The following GRID1 variants were observed in gnomAD, a reference collection of about 807,000 sequenced individuals.
GRID1 encodes the protein glutamate ionotropic receptor delta type subunit 1.
GRID1 carries 28 observed loss-of-function variants against 98.0 expected under a neutral mutation model. The observed-to-expected ratio is 0.29, with a 90% CI of 0.21 to 0.39. The LOEUF (loss-of-function observed/expected upper bound fraction) is 0.39, where lower values mean the gene tolerates loss of function less well. GRID1 is among the 10% of genes least tolerant of loss of function. The pLI is 1.00. For missense variants in GRID1, 1,111 were observed against 1,340.5 expected (o/e 0.83, Z 2.67); for synonymous variants, 553 against 538.5 (o/e 1.03, Z -0.37).
intron 8 of GRID1, among the ~76,000 whole-genome samples, chr10:85,778,497 C>A (rs1842352689): frequency 6.6e-6 from 1 of 152,116 alleles, no homozygotes; most frequent in Admixed American, 6.6e-5. Flanking sequence ...ATTATAGCGC[C>A]CCAGGATAGT....
At chr10:85,722,338 T>G (rs1371567957) in intron 12 of GRID1, among the ~76,000 whole-genome samples, 4 of 152,262 alleles carry the variant, frequency 2.6e-5, no homozygotes, top group South Asian at 2.1e-4. Context: ...TCCATGCCTA[T>G]GACCACTTCA....
At chr10:85,641,743 C>T (rs79076299) in intron 13 of GRID1, among the ~76,000 whole-genome samples, 11,779 of 152,214 alleles carry the variant, frequency 0.077, 583 homozygotes, top group Admixed American at 0.12. Context: ...AGAGATTGCT[C>T]AATAGATTTC....
intron 13 of GRID1, among the ~76,000 whole-genome samples, chr10:85,629,607 C>T (rs1842953142): frequency 6.6e-6 from 1 of 152,166 alleles, no homozygotes; most frequent in South Asian, 2.1e-4. Flanking sequence ...CATAAATATA[C>T]ATATATATCA....
At chr10:85,717,330 AAAG>A (rs1841651161) in intron 12 of GRID1, among the ~76,000 whole-genome samples, 1 of 152,170 alleles carries the variant, frequency 6.6e-6, no homozygotes, top group Non-Finnish European at 1.5e-5. Flanking sequence ...CAAAAAAAAA[AAAG>A]GTTTAATTGG....
intron 8 of GRID1, among the ~76,000 whole-genome samples, chr10:85,771,804 G>C (rs1842271613): frequency 6.6e-6 from 1 of 152,136 alleles, no homozygotes; most frequent in African/African-American, 2.4e-5. Context: ...CAATACAGGA[G>C]TACCCAGATT....
At chr10:85,736,328 A>C (rs1317950847) in intron 8 of GRID1, among the ~76,000 whole-genome samples, 1 of 152,070 alleles carries the variant, frequency 6.6e-6, no homozygotes, top group African/African-American at 2.4e-5. Context: ...AGAGGAAGGA[A>C]GGAAAAAAGG....
At chr10:85,746,013 T>C (rs549433281) in intron 8 of GRID1, among the ~76,000 whole-genome samples, 37 of 152,330 alleles carry the variant, frequency 2.4e-4, no homozygotes, top group Non-Finnish European at 3.8e-4. Flanking sequence ...TGACCAGTGA[T>C]CACTATGTGC....
chr10:85,688,893 G>A (rs528826272), intron 12 of GRID1, among the ~76,000 whole-genome samples: 185 of 152,276 alleles, frequency 1.2e-3, no homozygotes, highest in Non-Finnish European at 1.7e-3. Context: ...GAACCACAGA[G>A]AATGGGCTAA....
chr10:86,148,793 TA>T, intron 3 of GRID1, among the ~76,000 whole-genome samples: 1 of 152,206 alleles, frequency 6.6e-6, no homozygotes. Flanking sequence ...ATTCAGAGAT[TA>T]GGAAAAGGCA....
Position 86,192,588 on chromosome 10 carries a change from T to C in GRID1, c.520+13776A>G, listed in dbSNP as rs1400345746. 6.7e-6 allele frequency among the ~76,000 whole-genome samples: 1 copy of C among 150,034 alleles called. No individual in the cohort carries two copies. The highest frequency in any genetic ancestry group is 6.6e-5 in the Admixed American group (1 of 15,142). On this transcript the variant is annotated intron_variant, in intron 3 of 15. Coordinates refer to ENST00000327946, the MANE Select transcript of GRID1 (RefSeq NM_017551.3). This position sits in a 1 kb window ranked among gnomAD's most constrained non-coding sequence, Gnocchi z 4.8. ...AGTACAGAGTTTCGGTTTGGGAAGA[T>C]GAGAACCTTCTGGAGATGAACGGTA... is the stretch of plus-strand genomic sequence containing the variant.
intron 2 of GRID1, among the ~76,000 whole-genome samples, chr10:86,278,987 G>A (rs965106275): frequency 1.8e-4 from 28 of 152,176 alleles, no homozygotes; most frequent in Non-Finnish European, 3.1e-4. Context: ...CAAACCACAT[G>A]TGTAATGGAC....
chr10:86,261,950 C>T (rs1847022237), intron 2 of GRID1, among the ~76,000 whole-genome samples: 1 of 152,244 alleles, frequency 6.6e-6, no homozygotes. Flanking sequence ...TGCCAGACAT[C>T]AGCCCAGGAG....
At chr10:85,652,745 G>T (rs1044131257) in intron 12 of GRID1, among the ~76,000 whole-genome samples, 1 of 152,096 alleles carries the variant, frequency 6.6e-6, no homozygotes, top group East Asian at 1.9e-4. Flanking sequence ...CCTCTCCTGG[G>T]TTTCTTCCCC....
intron 4 of GRID1, among the ~76,000 whole-genome samples, chr10:86,057,554 C>T (rs1206961777): frequency 6.6e-6 from 1 of 152,232 alleles, no homozygotes; most frequent in Non-Finnish European, 1.5e-5. Context: ...CGGGTGTTCA[C>T]TGTAGCCTTC....
At chr10:86,152,947 A>C (rs1845190474) in intron 3 of GRID1, among the ~76,000 whole-genome samples, 1 of 152,018 alleles carries the variant, frequency 6.6e-6, no homozygotes, top group Non-Finnish European at 1.5e-5. Flanking sequence ...TCTGATATTT[A>C]CTCGGGTTTA....
intron 2 of GRID1, among the ~76,000 whole-genome samples, chr10:86,272,780 C>G (rs946921124): frequency 1.3e-5 from 2 of 152,090 alleles, no homozygotes; most frequent in Non-Finnish European, 2.9e-5. Context: ...TCAAAAGTAC[C>G]TATTTATACT....
At chr10:86,318,414 G>A (rs1033911396) in intron 2 of GRID1, among the ~76,000 whole-genome samples, 1 of 152,220 alleles carries the variant, frequency 6.6e-6, no homozygotes, top group Non-Finnish European at 1.5e-5. Flanking sequence ...TGCTGCAGTG[G>A]CTACTCCGAA....
At chr10:86,354,648 C>G (rs1005539745) in intron 2 of GRID1, among the ~76,000 whole-genome samples, 1 of 152,232 alleles carries the variant, frequency 6.6e-6, no homozygotes, top group Non-Finnish European at 1.5e-5. Context: ...GATTTGGGAA[C>G]TGAACCCACA....
In GRID1 at chr10:86,339,108, C is replaced by T. The variant is rs970071610; in HGVS notation, c.235+24833G>A. On this transcript the variant is annotated intron_variant, in intron 2 of 15. Transcript: ENST00000327946. ...CTCCACGTACCATGTCCACCCTGAA[C>T]CCCAGCACCCAACACAGTGCCTGGT... Among the ~76,000 whole-genome samples, 3 of 152,184 alleles carry T rather than the reference C, an allele frequency of 2.0e-5. No individual in the cohort carries two copies. In the South Asian group the frequency reaches 6.2e-4, roughly 32 times the overall value.
Sources: allele counts gnomAD v4.1 joint callset (sites outside exome capture counted in the v4.1 genomes callset), GRCh38; gene constraint gnomAD v4.1.1; non-coding constraint Gnocchi (gnomAD v3.1); transcripts MANE v1.5; gene names NCBI Gene and HGNC (gene_info 2026-07-23, HGNC 2026-07-21).